The following NXN variants were observed in gnomAD, a reference collection of about 807,000 sequenced individuals.
NXN encodes nucleoredoxin 1.
Under a neutral mutation model 48.6 loss-of-function variants are expected in NXN, and 16 were observed. The ratio of observed to expected loss-of-function variants is 0.33; its 90% confidence interval spans 0.22 to 0.50. The LOEUF (loss-of-function observed/expected upper bound fraction) is 0.50. Among genes scored for constraint, NXN ranks in the 20% least tolerant of loss-of-function variants. NXN has a pLI of 0.98. For synonymous variants in NXN, 281 were observed against 269.6 expected (o/e 1.04, Z -0.41); for missense variants, 492 against 605.5 (o/e 0.81, Z 1.97).
At chr17:841,239 G>C (rs1348956107) in intron 1 of NXN, among the ~76,000 whole-genome samples, 3 of 152,202 alleles carry the variant, frequency 2.0e-5, no homozygotes, top group African/African-American at 4.8e-5. Flanking sequence ...ACTTCAGAAA[G>C]TCCATGCCAG....
chr17:801,868 C>T (rs375022340), intron 7 of NXN, among the ~76,000 whole-genome samples: 5 of 152,216 alleles, frequency 3.3e-5, no homozygotes, highest in Non-Finnish European at 7.3e-5. Context: ...AGAGACAGCT[C>T]GCTGTGTTCC....
chr17:955,846 G>C (rs934253946), intron 1 of NXN, among the ~76,000 whole-genome samples: 3 of 151,790 alleles, frequency 2.0e-5, no homozygotes, highest in East Asian at 2.0e-4. Flanking sequence ...AGCTTGCAGT[G>C]AGCCGAGATT....
chr17:842,978 AAGAGAGAAAGAGAGAAAGAGAGAAAG>A (rs1450629521), intron 1 of NXN, among the ~76,000 whole-genome samples: 1 of 111,242 alleles, frequency 9.0e-6, no homozygotes, highest in African/African-American at 3.6e-5. Context: ...GAAAGAGAGA[AAGAGAGAAAGAGAGAAAGAGAGAAAG>A]AGAGAAAGAA....
At chr17:975,036 G>C (rs894847346) in intron 1 of NXN, among the ~76,000 whole-genome samples, 6 of 151,982 alleles carry the variant, frequency 3.9e-5, no homozygotes, top group Non-Finnish European at 7.4e-5. Flanking sequence ...TGTTGCCCAG[G>C]CTGGTCTCAA....
intron 5 of NXN, among the ~76,000 whole-genome samples, chr17:818,884 C>CA (rs1229405533): frequency 3.6e-4 from 50 of 140,038 alleles, no homozygotes; most frequent in African/African-American, 5.7e-4. Context: ...GACTCCGTCT[C>CA]AAAAAAAAAA....
At chr17:974,125 G>A (rs183072111) in intron 1 of NXN, among the ~76,000 whole-genome samples, 342 of 151,868 alleles carry the variant, frequency 2.3e-3, no homozygotes, top group East Asian at 8.9e-3. Context: ...TGAGCTGGGC[G>A]GATCACGAGG....
chr17:865,844 G>A (rs148501418), intron 1 of NXN, among the ~76,000 whole-genome samples: 19,689 of 151,936 alleles, frequency 0.13, 1,439 homozygotes, highest in Middle Eastern at 0.22. Flanking sequence ...TTAGCCGAGC[G>A]TGGTAGCACA....
intron 1 of NXN, among the ~76,000 whole-genome samples, chr17:927,195 C>T (rs564426387): frequency 4.0e-5 from 6 of 151,876 alleles, no homozygotes; most frequent in African/African-American, 1.4e-4. Context: ...CGCCTGTAGA[C>T]CCAGCTACTT....
At chr17:819,676 G>C in intron 4 of NXN, 131 bp from the exon 5 acceptor site, 1 of 644,940 alleles carries the variant, frequency 1.6e-6, no homozygotes, top group Non-Finnish European at 2.7e-6. Context: ...TGCTCCTTAG[G>C]CAACAGGCTA....
chr17:961,751 C>G (rs1223438840), intron 1 of NXN, among the ~76,000 whole-genome samples: 1 of 152,186 alleles, frequency 6.6e-6, no homozygotes, highest in African/African-American at 2.4e-5. Context: ...ATTCCCATAG[C>G]AACCCTTTGA....
chr17:942,591 C>CAT (rs2068989920), intron 1 of NXN, among the ~76,000 whole-genome samples: 3 of 64,786 alleles, frequency 4.6e-5, no homozygotes, highest in Admixed American at 2.2e-4. Flanking sequence ...CATGAATTCA[C>CAT]CAAACACCTT....
chr17:813,109 C>T (rs79659783), intron 5 of NXN, among the ~76,000 whole-genome samples: 2,149 of 152,334 alleles, frequency 0.014, 37 homozygotes, highest in African/African-American at 0.046. Flanking sequence ...GCCGTAACCA[C>T]GGAATCACAC....
At chr17:893,272 G>A (rs1163056066) in intron 1 of NXN, among the ~76,000 whole-genome samples, 2 of 152,192 alleles carry the variant, frequency 1.3e-5, no homozygotes, top group Non-Finnish European at 2.9e-5. Flanking sequence ...CGCATGGGTT[G>A]TGGACACTCC....
intron 1 of NXN, among the ~76,000 whole-genome samples, chr17:926,692 T>C (rs2068803788): frequency 6.6e-6 from 1 of 151,766 alleles, no homozygotes; most frequent in South Asian, 2.1e-4. Flanking sequence ...ACCACAGGCG[T>C]GCACCACCAC....
rs200045396 is a variant in NXN at position 843,068 on chromosome 17, C to A, written c.361-16990G>T. Among the ~76,000 whole-genome samples, 486 of 133,408 alleles carry A rather than the reference C, an allele frequency of 3.6e-3. 3 individuals are homozygous for A. Among genetic ancestry groups the A allele is most frequent in the South Asian group, 0.012 (48 of 4,088 alleles). The allele number at this position is 133,408 out of a possible 152,430, so 87.5% of individuals were successfully genotyped here. A position where few individuals can be genotyped will look rare whatever the true frequency, so the allele number is the denominator to read the frequency against. ...AGAAAGAAAGAAAGAAGGAAGAAAG[C>A]AAGCAAGCAAGCTGCACCTTCAGAC... On this transcript the variant is annotated intron_variant, in intron 1 of 7. Coordinates refer to ENST00000336868, the MANE Select transcript of NXN (RefSeq NM_022463.5).
At chr17:959,613 A>C (rs1225134586) in intron 1 of NXN, among the ~76,000 whole-genome samples, 1 of 151,876 alleles carries the variant, frequency 6.6e-6, no homozygotes, top group South Asian at 2.1e-4. Flanking sequence ...CCTGGCCAAC[A>C]TGGTGAACCC....
Position 979,497 on chromosome 17 carries a change from C to A in NXN, c.182G>T (p.Arg61Leu), listed in dbSNP as rs1417281205. Residue 61 changes from arginine to leucine, a missense_variant, in exon 1 of 8, where the codon CGG (arginine) becomes CTG (leucine). Physicochemically the swap from Arg to Leu is moderately radical, Grantham distance 102. Coordinates refer to ENST00000336868, the MANE Select transcript of NXN (RefSeq NM_022463.5). ...ASLAAFYGRL[R>L]GDAAAGPGPG... is the part of the protein sequence containing the mutation. ...CCCCGGCCCGGCCGCCGCGTCCCCC[C>A]GCAGGCGCCCGTAGAAGGCGGCCAG... 3.3e-6 allele frequency: 4 copies of A among 1,216,098 alleles called. No homozygotes were observed. The highest frequency in any genetic ancestry group is 4.2e-5 in the Admixed American group (1 of 23,820). 75.3% of individuals were successfully genotyped at this position (1,216,098 alleles called of 1,614,324 possible).
At chr17:864,884 C>G (rs1278136881) in intron 1 of NXN, among the ~76,000 whole-genome samples, 1 of 152,194 alleles carries the variant, frequency 6.6e-6, no homozygotes, top group Admixed American at 6.5e-5. Context: ...GCCCTGAACC[C>G]TTCTCTCTCA....
chr17:866,230 A>T (rs2068094404), intron 1 of NXN, among the ~76,000 whole-genome samples: 1 of 152,184 alleles, frequency 6.6e-6, no homozygotes, highest in African/African-American at 2.4e-5. Context: ...TAAATAGAAC[A>T]GACAATACCC....
Sources: allele counts gnomAD v4.1 joint callset (sites outside exome capture counted in the v4.1 genomes callset), GRCh38; gene constraint gnomAD v4.1.1; transcripts MANE v1.5; gene names NCBI Gene and HGNC (gene_info 2026-07-23, HGNC 2026-07-21).